The following PRKCQ variants were observed in gnomAD, a reference collection of about 807,000 sequenced individuals.
PRKCQ encodes the protein protein kinase C theta type.
Under a neutral mutation model 91.2 loss-of-function variants are expected in PRKCQ, and 41 were observed. The observed-to-expected ratio is 0.45, with a 90% CI of 0.35 to 0.58. The LOEUF (loss-of-function observed/expected upper bound fraction) is 0.58, where lower values mean the gene tolerates loss of function less well. Among genes scored for constraint, PRKCQ ranks in the 20% least tolerant of loss-of-function variants. The probability of loss-of-function intolerance (pLI) is 0.00; values close to 1 mark genes in which losing one functional copy is unlikely to be tolerated. For missense variants in PRKCQ, 673 were observed against 896.5 expected, an observed-to-expected ratio of 0.75 and a Z score of 3.18; for synonymous variants, 307 against 316.9, an observed-to-expected ratio of 0.97 and a Z score of 0.33.
At position 6,428,069 on chromosome 10, in the gene PRKCQ, A is replaced by G; in HGVS notation, c.*138T>C. 1 of 1,075,794 alleles carries G rather than the reference A, an allele frequency of 9.3e-7. No individual in the cohort carries two copies. Among genetic ancestry groups the G allele is most frequent in the Non-Finnish European group, 1.3e-6 (1 of 744,420 alleles). The allele number at this position is 1,075,794 out of a possible 1,614,324, so 66.6% of individuals were successfully genotyped here. A position where few individuals can be genotyped will look rare whatever the true frequency, so the allele number is the denominator to read the frequency against. ...GGTTTCTGCTACAGATAAAAGTCAC[A>G]TGGGGGCGAACGGGTCTCAGTCTTT... On this transcript the variant is annotated 3_prime_UTR_variant, in exon 18 of 18. Transcript: ENST00000263125.
intron 1 of PRKCQ, among the ~76,000 whole-genome samples, chr10:6,561,229 G>C (rs1229625644): frequency 6.7e-6 from 1 of 150,298 alleles, no homozygotes. Flanking sequence ...AAAGTTAGCT[G>C]GGTGTGGTGG....
At chr10:6,462,271 C>G (rs1040521005) in intron 14 of PRKCQ, 32 bp downstream of exon 14, 1 of 1,583,472 alleles carries the variant, frequency 6.3e-7, no homozygotes. Flanking sequence ...AAGCCGATAT[C>G]TTAGCATTTG....
chr10:6,416,999 C>T, the PRKCQ span, among the ~76,000 whole-genome samples: 1 of 152,164 alleles, frequency 6.6e-6, no homozygotes, highest in Non-Finnish European at 1.5e-5. Flanking sequence ...CTCAACTTTC[C>T]TCTTGATAAA....
At chr10:6,479,767 TAAAAAAAAAAA>T (rs34610362) in intron 11 of PRKCQ, among the ~76,000 whole-genome samples, 23 of 39,000 alleles carry the variant, frequency 5.9e-4, no homozygotes, top group African/African-American at 2.1e-3. Context: ...CCGTCTCGAC[TAAAAAAAAAAA>T]AAAAAAAAAA....
chr10:6,435,261 T>C (rs995800977), intron 16 of PRKCQ, among the ~76,000 whole-genome samples: 8 of 152,278 alleles, frequency 5.3e-5, no homozygotes, highest in Admixed American at 2.0e-4. Context: ...CTGGCACTGC[T>C]GCTGTCACAG....
chr10:6,529,560 G>A (rs1232308673), intron 1 of PRKCQ, among the ~76,000 whole-genome samples: 2 of 152,198 alleles, frequency 1.3e-5, no homozygotes, highest in Non-Finnish European at 2.9e-5. Context: ...CCCTGGGCAT[G>A]AGGCTTTGCC....
intron 1 of PRKCQ, among the ~76,000 whole-genome samples, chr10:6,559,303 G>A (rs1443725534): frequency 6.6e-6 from 1 of 152,118 alleles, no homozygotes; most frequent in Non-Finnish European, 1.5e-5. Context: ...TAAGAGCTGT[G>A]CATTGTTTGG....
At chr10:6,505,611 TCTCCCTTCCTTCCTTCCTTCC>T (rs1213240503) in intron 4 of PRKCQ, among the ~76,000 whole-genome samples, 5 of 102,584 alleles carry the variant, frequency 4.9e-5, no homozygotes, top group Non-Finnish European at 9.6e-5. Context: ...CCTCTCTCTC[TCTCCCTTCCTTCCTTCCTTCC>T]CTCCCTTCCT....
chr10:6,428,153 G>T lies in PRKCQ; in HGVS notation c.*54C>A. 1 of 1,607,468 alleles carries T rather than the reference G, an allele frequency of 6.2e-7. No homozygotes were observed. Among genetic ancestry groups the T allele is most frequent in the Non-Finnish European group, 8.5e-7 (1 of 1,175,012 alleles). On this transcript the variant is annotated 3_prime_UTR_variant, in exon 18 of 18. Transcript: ENST00000263125. ...AAAAGGAACCCAAGCAGTGTCTCTTGAACCAGTTCCCAGGGAGAAGGCAAA... is the reference window on the plus strand; with the variant it reads ...AAAAGGAACCCAAGCAGTGTCTCTTTAACCAGTTCCCAGGGAGAAGGCAAA...
At chr10:6,402,251 G>T in the PRKCQ span, among the ~76,000 whole-genome samples, 1 of 151,816 alleles carries the variant, frequency 6.6e-6, no homozygotes, top group Non-Finnish European at 1.5e-5. Flanking sequence ...TAATGTTGAT[G>T]GGTGCAGGAG....
the PRKCQ span, among the ~76,000 whole-genome samples, chr10:6,419,558 T>G: frequency 6.6e-6 from 1 of 152,220 alleles, no homozygotes; most frequent in South Asian, 2.1e-4. Flanking sequence ...ATCCATTTAA[T>G]GTATTATAAT....
At chr10:6,507,317 T>A in intron 4 of PRKCQ, 119 bp downstream of exon 4, 1 of 998,420 alleles carries the variant, frequency 1.0e-6, no homozygotes, top group Non-Finnish European at 1.6e-6. Context: ...TAAAACAATT[T>A]TGTGCCTCTC....
chr10:6,403,613 G>A, the PRKCQ span, among the ~76,000 whole-genome samples: 5 of 152,128 alleles, frequency 3.3e-5, no homozygotes, highest in African/African-American at 1.2e-4. Context: ...GGAAGCTTTG[G>A]AAAGGTGTTA....
chr10:6,508,660 A>G lies in PRKCQ; in HGVS notation c.319-1164T>C, dbSNP rs114258773. Reference sequence around the variant, plus strand: ...GTTCTCTGGCTTGTGAATAAGGAGTAAAGATGGAGGCAAAAATGGAGATGG... The same window carrying G: ...GTTCTCTGGCTTGTGAATAAGGAGTGAAGATGGAGGCAAAAATGGAGATGG... On this transcript the variant is annotated intron_variant, in intron 3 of 17. Coordinates refer to ENST00000263125, the MANE Select transcript of PRKCQ (RefSeq NM_006257.5). 9.6e-3 allele frequency among the ~76,000 whole-genome samples: 1,458 copies of G among 152,364 alleles called. 20 individuals carry two copies. The highest frequency in any genetic ancestry group is 0.033 in the African/African-American group (1,369 of 41,580).
At chr10:6,445,161 C>G (rs1486650177) in intron 15 of PRKCQ, among the ~76,000 whole-genome samples, 2 of 146,922 alleles carry the variant, frequency 1.4e-5, no homozygotes, top group Non-Finnish European at 3.0e-5. Context: ...TCCAGACATT[C>G]CAGTATTTTC....
downstream of PRKCQ, among the ~76,000 whole-genome samples, chr10:6,425,164 T>G (rs1227913267): frequency 6.6e-6 from 1 of 151,720 alleles, no homozygotes. Flanking sequence ...GGTTCAAGTC[T>G]CCACTGGTCA....
At position 6,536,974 on chromosome 10, in the gene PRKCQ, C is replaced by T. The variant is rs560873538; in HGVS notation, c.-9-21830G>A. On this transcript the variant is annotated intron_variant, in intron 1 of 17. Coordinates refer to ENST00000263125, the MANE Select transcript of PRKCQ (RefSeq NM_006257.5). The stretch of plus-strand genomic sequence containing the variant: ...GAATACCCTTCCCCATCCCAGTTCT[C>T]GCTCTCCCAAGCCAGGGGCTCAGAG... Among the ~76,000 whole-genome samples the T allele has an allele frequency of 4.6e-5, 7 of 152,252 alleles. 1 individual carries two copies. Among genetic ancestry groups the T allele is most frequent in the East Asian group, 2.0e-4 (1 of 5,128 alleles).
chr10:6,484,958 C>A (rs1836819230), intron 10 of PRKCQ, among the ~76,000 whole-genome samples, 194 bp downstream of exon 10: 1 of 152,176 alleles, frequency 6.6e-6, no homozygotes, highest in Non-Finnish European at 1.5e-5. Flanking sequence ...CATTTTCTAA[C>A]CCCCACCTCC....
intron 1 of PRKCQ, among the ~76,000 whole-genome samples, chr10:6,523,316 T>C (rs1363301296): frequency 6.6e-6 from 1 of 152,006 alleles, no homozygotes; most frequent in African/African-American, 2.4e-5. Context: ...CTGGGCATGG[T>C]GGCACACACC....
Sources: allele counts gnomAD v4.1 joint callset (sites outside exome capture counted in the v4.1 genomes callset), GRCh38; gene constraint gnomAD v4.1.1; transcripts MANE v1.5; gene names NCBI Gene and HGNC (gene_info 2026-07-23, HGNC 2026-07-21).